Variants in C6orf118 observed in about 807,000 individuals in gnomAD.
The protein encoded by C6orf118 is chromosome 6 open reading frame 118, also known as uncharacterized protein C6orf118.
Under a neutral mutation model 50.2 loss-of-function variants are expected in C6orf118, and 50 were observed. That is an observed-to-expected ratio of 1.00 (90% CI 0.79 to 1.26). The LOEUF is 1.26. Among genes scored for constraint, C6orf118 ranks in the 50% most tolerant of loss-of-function variants. C6orf118 has a pLI of 0.00. For synonymous variants in C6orf118, 239 were observed against 230.9 expected (o/e 1.03, Z -0.32); for missense variants, 641 against 578.7 (o/e 1.11, Z -1.10).
intron 1 of C6orf118, among the ~76,000 whole-genome samples, chr6:165,302,553 A>T (rs1780598480): frequency 6.6e-6 from 1 of 152,216 alleles, no homozygotes. Context: ...GCCAATAAGA[A>T]AAAGACAGAC....
At chr6:165,300,813 G>A (rs985742584) in intron 2 of C6orf118, among the ~76,000 whole-genome samples, 2 of 152,054 alleles carry the variant, frequency 1.3e-5, no homozygotes, top group South Asian at 4.1e-4. Context: ...GCTGCTTCCT[G>A]GGGGCCTGCT....
chr6:165,293,868 G>A (rs1780192987), intron 5 of C6orf118, among the ~76,000 whole-genome samples: 1 of 152,150 alleles, frequency 6.6e-6, no homozygotes, highest in Non-Finnish European at 1.5e-5. Context: ...CTTTCCTGAT[G>A]CTGAAATACA....
Position 165,302,278 on chromosome 6 carries a change from T to G in C6orf118, c.44A>C (p.His15Pro). 1 of 1,613,444 alleles carries G rather than the reference T, an allele frequency of 6.2e-7. No individual in the cohort carries two copies. The change falls in exon 2 of 9, where the codon CAC becomes CCC. Residue 15 changes from histidine to proline, a missense_variant. His to Pro is a moderately conservative substitution (Grantham distance 77). Transcript: ENST00000230301. ...REPELYLKWK[H>P]CETPGVKTLC... Reference sequence around the variant, plus strand: ...GGTCTTCACGCCTGGCGTCTCGCAGTGCTTCCACTTCAGGTACACTGGTCA... The same window carrying G: ...GGTCTTCACGCCTGGCGTCTCGCAGGGCTTCCACTTCAGGTACACTGGTCA...
At chr6:165,305,108 CT>C (rs1409348297) in intron 1 of C6orf118, among the ~76,000 whole-genome samples, 1 of 66,278 alleles carries the variant, frequency 1.5e-5, no homozygotes, top group African/African-American at 9.0e-5. Context: ...CAGCATGGTA[CT>C]GGTACCAAAA....
intron 7 of C6orf118, among the ~76,000 whole-genome samples, chr6:165,286,823 G>C (rs1003197650): frequency 1.3e-5 from 2 of 152,088 alleles, no homozygotes; most frequent in Non-Finnish European, 2.9e-5. Context: ...ATATTATACT[G>C]ACTGGGCAAA....
intron 1 of C6orf118, among the ~76,000 whole-genome samples, chr6:165,302,685 G>T (rs116050148): frequency 0.055 from 8,337 of 152,066 alleles, 768 homozygotes; most frequent in African/African-American, 0.19. Flanking sequence ...GTATTTCACC[G>T]GCCGGGGAAT....
chr6:165,293,968 C>A (rs1016994589), intron 5 of C6orf118, among the ~76,000 whole-genome samples: 2 of 151,990 alleles, frequency 1.3e-5, no homozygotes, highest in Admixed American at 1.3e-4. Flanking sequence ...TACAAGAGGC[C>A]GGGCATGGTG....
At chr6:165,292,677 G>A (rs73788318) in intron 6 of C6orf118, among the ~76,000 whole-genome samples, 1 of 152,314 alleles carries the variant, frequency 6.6e-6, no homozygotes, top group African/African-American at 2.4e-5. Flanking sequence ...TGACCTCTGA[G>A]CCCTGAGAAG....
intron 7 of C6orf118, among the ~76,000 whole-genome samples, chr6:165,289,354 A>T (rs1268807300): frequency 6.7e-6 from 1 of 149,520 alleles, no homozygotes; most frequent in Non-Finnish European, 1.5e-5. Context: ...GAACCACAAT[A>T]AAAAAAATCA....
chr6:165,288,335 A>T (rs551238552), intron 7 of C6orf118, among the ~76,000 whole-genome samples: 1 of 152,216 alleles, frequency 6.6e-6, no homozygotes, highest in Non-Finnish European at 1.5e-5. Flanking sequence ...TGTTGGTAGG[A>T]ATGTAAATTA....
chr6:165,290,046 A>C lies in C6orf118; in HGVS notation c.1142T>G (p.Ile381Ser). 6.3e-7 allele frequency: 1 copy of C among 1,599,340 alleles called. No individual in the cohort carries two copies. The highest frequency in any genetic ancestry group is 1.3e-5 in the African/African-American group (1 of 74,302). Residue 381 changes from isoleucine (I) to serine (S), a missense_variant, in exon 7 of 9, where the codon ATT (isoleucine) becomes AGT (serine). Coordinates refer to ENST00000230301, the MANE Select transcript of C6orf118 (RefSeq NM_144980.4). The stretch of plus-strand genomic sequence containing the variant: ...AGTAAGAGTAAGTCGGTTTTCATCA[A>C]TTATATGTTTCTCAGATGATTCTGG... ...ERSESSEKHIIDENRLTLTEK... is the reference protein window; with the variant it reads ...ERSESSEKHISDENRLTLTEK...
rs759307180 is a variant in C6orf118 at position 165,302,227 on chromosome 6, G to C, written c.95C>G (p.Thr32Arg). The change falls in exon 2 of 9, where the codon ACG becomes AGG. Residue 32 changes from threonine (T) to arginine (R), a missense_variant. Transcript: ENST00000230301. ...KTLCNLKHCETPGVKTLCNLK... is the reference protein window; with the variant it reads ...KTLCNLKHCERPGVKTLCNLK... ...ATTACACAGGGTCTTCACTCCTGGC[G>C]TCTCGCAGTGCTTCAGATTACACAG... The C allele has an allele frequency of 6.2e-7, 1 of 1,613,722 alleles. No homozygotes were observed. Among genetic ancestry groups the C allele is most frequent in the African/African-American group, 1.3e-5 (1 of 74,890 alleles).
Position 165,279,928 on chromosome 6 carries a change from A to C in C6orf118, c.*129T>G. On this transcript the variant is annotated 3_prime_UTR_variant, in exon 9 of 9. Transcript: ENST00000230301. ...CTGAGTAGGATACATATACCACATTAATTTTACTAGAGATTAAAGCTGATG... is the reference window on the plus strand; with the variant it reads ...CTGAGTAGGATACATATACCACATTCATTTTACTAGAGATTAAAGCTGATG... 1.1e-6 allele frequency: 1 copy of C among 922,604 alleles called. No individual in the cohort carries two copies. Among genetic ancestry groups the C allele is most frequent in the Non-Finnish European group, 1.6e-6 (1 of 627,568 alleles). The allele number at this position is 922,604 out of a possible 1,614,324, so 57.2% of individuals were successfully genotyped here.
chr6:165,281,146 T>C (rs561968753), intron 8 of C6orf118, among the ~76,000 whole-genome samples: 18 of 152,334 alleles, frequency 1.2e-4, no homozygotes, highest in Admixed American at 1.2e-3. Flanking sequence ...CATAGGAGTT[T>C]TCAAAGATTT....
chr6:165,292,838 GA>G (rs1435027746), intron 6 of C6orf118, among the ~76,000 whole-genome samples: 1 of 152,122 alleles, frequency 6.6e-6, no homozygotes, highest in Non-Finnish European at 1.5e-5. Context: ...GCAGCAGGGG[GA>G]AAAAGGCGGT....
chr6:165,301,679 A>G lies in C6orf118; in HGVS notation c.643T>C (p.Tyr215His). 1 of 1,614,144 alleles carries G rather than the reference A, an allele frequency of 6.2e-7. No individual in the cohort carries two copies. The change falls in exon 2 of 9, where the codon TAC (tyrosine) becomes CAC (histidine). Residue 215 changes from tyrosine (Y) to histidine (H), a missense_variant. Coordinates refer to ENST00000230301, the MANE Select transcript of C6orf118 (RefSeq NM_144980.4). The stretch of plus-strand genomic sequence containing the variant: ...TTCTGGAAACGCAGGAACATCCTGT[A>G]CCTGTCTGCGCTGGTGGCTCCGGCC... ...YLAGATSADR[Y>H]RMFLRFQKEV...
At chr6:165,297,782 C>CA (rs1239144209) in intron 5 of C6orf118, among the ~76,000 whole-genome samples, 195 bp downstream of exon 5, 1 of 152,186 alleles carries the variant, frequency 6.6e-6, no homozygotes, top group Non-Finnish European at 1.5e-5. Flanking sequence ...CCCATGGACA[C>CA]ACCATACTTA....
intron 3 of C6orf118, 53 bp downstream of exon 3, chr6:165,300,311 C>T (rs935801635): frequency 1.9e-6 from 3 of 1,603,790 alleles, no homozygotes; most frequent in Non-Finnish European, 2.6e-6. Context: ...TTCTTGTACA[C>T]AGAACCTCAT....
chr6:165,299,500 A>C lies in C6orf118; in HGVS notation c.879T>G (p.Asp293Glu), dbSNP rs1384002882. The change falls in exon 4 of 9, where the codon GAT becomes GAG. Residue 293 changes from aspartate (D) to glutamate (E), a missense_variant and splice_region_variant. Physicochemically the swap from Asp to Glu is conservative, Grantham distance 45 (BLOSUM62 2). Coordinates refer to ENST00000230301, the MANE Select transcript of C6orf118 (RefSeq NM_144980.4). ...IFGDLLKKVK[D>E]EYELYMATLL... Reference sequence around the variant, plus strand: ...GCGTTGCCATGTAGAGTTCATATTCATCCTGTACAGAAACAAACAAAAGTC... The same window carrying C: ...GCGTTGCCATGTAGAGTTCATATTCCTCCTGTACAGAAACAAACAAAAGTC... 8 of 1,614,040 alleles carry C rather than the reference A, an allele frequency of 5.0e-6. No homozygotes were observed. Among genetic ancestry groups the C allele is most frequent in the East Asian group, 2.2e-5 (1 of 44,870 alleles).
Sources: allele counts gnomAD v4.1 joint callset (sites outside exome capture counted in the v4.1 genomes callset), GRCh38; gene constraint gnomAD v4.1.1; transcripts MANE v1.5; gene names NCBI Gene and HGNC (gene_info 2026-07-23, HGNC 2026-07-21).